INO80D: variants seen among roughly 807,000 people sequenced by gnomAD.
INO80D encodes the protein INO80 complex subunit D.
A neutral mutation model predicts 87.6 loss-of-function variants in INO80D; 21 were observed. That is an observed-to-expected ratio of 0.24 (90% CI 0.17 to 0.35). INO80D has a LOEUF of 0.35. Among genes scored for constraint, INO80D ranks in the 10% least tolerant of loss-of-function variants. The pLI is 1.00. For missense variants in INO80D, 982 were observed against 1,280.7 expected, an observed-to-expected ratio of 0.77 and a Z score of 3.56; for synonymous variants, 440 against 491.0, an observed-to-expected ratio of 0.90 and a Z score of 1.37.
chr2:206,033,066 C>CA (rs1432121152), intron 5 of INO80D, among the ~76,000 whole-genome samples: 1 of 152,122 alleles, frequency 6.6e-6, no homozygotes, highest in African/African-American at 2.4e-5. Context: ...ACCCACCAAC[C>CA]AACTATCTGC....
At chr2:206,058,572 T>C (rs1483098721) in intron 3 of INO80D, among the ~76,000 whole-genome samples, 1 of 150,648 alleles carries the variant, frequency 6.6e-6, no homozygotes, top group East Asian at 2.0e-4. Context: ...CCATCTCTAC[T>C]AAAAATACAA....
intron 6 of INO80D, among the ~76,000 whole-genome samples, chr2:206,022,449 A>C (rs1487716144): frequency 6.6e-6 from 1 of 152,196 alleles, no homozygotes; most frequent in Non-Finnish European, 1.5e-5. Flanking sequence ...TAAGCCCAAC[A>C]AACAAAGGGA....
Position 206,065,791 on chromosome 2 carries a change from C to G in INO80D, c.-123-2547G>C, listed in dbSNP as rs1177401978. Among the ~76,000 whole-genome samples the G allele has an allele frequency of 7.2e-5, 11 of 152,282 alleles. No homozygotes were observed. In the East Asian group the frequency reaches 1.9e-3, roughly 27 times the overall value. On this transcript the variant is annotated intron_variant, in intron 1 of 10. Transcript: ENST00000403263. ...GGCTAACAAATATTTGGAAAAAATG[C>G]TGAACATCACTAATCGTCAGGGAAA...
chr2:206,022,439 T>C (rs550052816), intron 6 of INO80D, among the ~76,000 whole-genome samples: 2 of 152,236 alleles, frequency 1.3e-5, no homozygotes, highest in African/African-American at 4.8e-5. Context: ...ATTATCCAAA[T>C]AAGCCCAACA....
Position 205,997,907 on chromosome 2 carries a change from A to C in INO80D, c.*6461T>G, listed in dbSNP as rs968721960. Reference sequence around the variant, plus strand: ...TATTTTTATATAAGCACACATTCATATCTCTCACACACGTGCCCCCAATGT... The same window carrying C: ...TATTTTTATATAAGCACACATTCATCTCTCTCACACACGTGCCCCCAATGT... On this transcript the variant is annotated 3_prime_UTR_variant, in exon 11 of 11. Transcript: ENST00000403263. 1 of 152,204 alleles carries C rather than the reference A, an allele frequency of 6.6e-6. No individual in the cohort carries two copies. Among genetic ancestry groups the C allele is most frequent in the Non-Finnish European group, 1.5e-5 (1 of 68,016 alleles). The allele number at this position is 152,204 out of a possible 1,614,324, so 9.4% of individuals were successfully genotyped here. A position where few individuals can be genotyped will look rare whatever the true frequency, so the allele number is the denominator to read the frequency against.
At chr2:206,025,860 C>T (rs1386816093) in intron 6 of INO80D, among the ~76,000 whole-genome samples, 1 of 151,840 alleles carries the variant, frequency 6.6e-6, no homozygotes, top group Non-Finnish European at 1.5e-5. Context: ...CAAAAAGAAT[C>T]AGAATTTGAA....
At chr2:206,083,144 TC>T (rs1279580831) in intron 1 of INO80D, among the ~76,000 whole-genome samples, 1 of 152,212 alleles carries the variant, frequency 6.6e-6, no homozygotes, top group Non-Finnish European at 1.5e-5. Flanking sequence ...AACCTGTCAT[TC>T]CTTCAGGAAA....
At chr2:206,053,637 C>T (rs1689433685) in intron 4 of INO80D, among the ~76,000 whole-genome samples, 1 of 152,116 alleles carries the variant, frequency 6.6e-6, no homozygotes, top group Admixed American at 6.6e-5. Flanking sequence ...CTGATGTTAA[C>T]AGTCTGGAAG....
In INO80D at chr2:206,068,286, G is replaced by T. The variant is rs547172939; in HGVS notation, c.-123-5042C>A. On this transcript the variant is annotated intron_variant, in intron 1 of 10. Transcript: ENST00000403263. ...GCTAATTTTTTAAATTTTTTGTAGAGACTGGGTCTTGCTGTGCTGCCCAGG... is the reference window on the plus strand; with the variant it reads ...GCTAATTTTTTAAATTTTTTGTAGATACTGGGTCTTGCTGTGCTGCCCAGG... Among the ~76,000 whole-genome samples the T allele has an allele frequency of 2.3e-4, 35 of 152,170 alleles. No individual in the cohort carries two copies. The South Asian group carries it at 6.6e-3, about 29-fold the overall frequency.
intron 1 of INO80D, among the ~76,000 whole-genome samples, chr2:206,069,064 C>T (rs998945491): frequency 2.6e-5 from 4 of 152,094 alleles, no homozygotes; most frequent in African/African-American, 7.2e-5. Flanking sequence ...TGACATATTT[C>T]ATCTTAATCC....
At chr2:206,044,612 AAAATGAGGATGGCCAC>A (rs1294247237) in intron 5 of INO80D, among the ~76,000 whole-genome samples, 1 of 152,206 alleles carries the variant, frequency 6.6e-6, no homozygotes, top group Non-Finnish European at 1.5e-5. Context: ...GAGATAAAGA[AAAATGAGGATGGCCAC>A]AAATCTGAAA....
intron 1 of INO80D, among the ~76,000 whole-genome samples, chr2:206,072,772 ATAC>A (rs1381930482): frequency 7.9e-5 from 12 of 152,118 alleles, no homozygotes; most frequent in Non-Finnish European, 5.9e-5. Flanking sequence ...ACCATAAAGC[ATAC>A]TTATTATAGA....
intron 1 of INO80D, among the ~76,000 whole-genome samples, chr2:206,070,619 C>A (rs1689936777): frequency 6.6e-6 from 1 of 152,068 alleles, no homozygotes; most frequent in Non-Finnish European, 1.5e-5. Context: ...ACTCAGGAGA[C>A]TGAGGCAGGA....
At chr2:206,026,626 T>C (rs1213479181) in intron 6 of INO80D, among the ~76,000 whole-genome samples, 1 of 150,042 alleles carries the variant, frequency 6.7e-6, no homozygotes, top group African/African-American at 2.4e-5. Flanking sequence ...TGTATTTATA[T>C]ATACACAACA....
At chr2:206,032,079 C>T (rs1444352374) in intron 5 of INO80D, among the ~76,000 whole-genome samples, 4 of 152,160 alleles carry the variant, frequency 2.6e-5, no homozygotes, top group Non-Finnish European at 4.4e-5. Context: ...CCTGGCATCA[C>T]AGAGATCTTT....
chr2:206,022,775 G>T (rs1351576039), intron 6 of INO80D, among the ~76,000 whole-genome samples: 1 of 152,152 alleles, frequency 6.6e-6, no homozygotes, highest in Non-Finnish European at 1.5e-5. Context: ...GTGCAATGGT[G>T]CAATCTCAGC....
intron 3 of INO80D, among the ~76,000 whole-genome samples, chr2:206,060,703 G>A (rs368528878): frequency 1.6e-3 from 242 of 151,970 alleles, no homozygotes; most frequent in African/African-American, 5.5e-3. Context: ...TGGGATTACA[G>A]GCATGTGCCA....
At chr2:206,021,675 C>T (rs1445951390) in intron 6 of INO80D, among the ~76,000 whole-genome samples, 2 of 152,098 alleles carry the variant, frequency 1.3e-5, no homozygotes, top group African/African-American at 2.4e-5. Context: ...TGCAATGGTG[C>T]GATCTCGACT....
chr2:206,049,024 T>G (rs1274784709), intron 4 of INO80D, among the ~76,000 whole-genome samples: 1 of 152,232 alleles, frequency 6.6e-6, no homozygotes, highest in Non-Finnish European at 1.5e-5. Context: ...CTATGAAACT[T>G]ACTAGACACC....
Sources: allele counts gnomAD v4.1 joint callset (sites outside exome capture counted in the v4.1 genomes callset), GRCh38; gene constraint gnomAD v4.1.1; transcripts MANE v1.5; gene names NCBI Gene and HGNC (gene_info 2026-07-23, HGNC 2026-07-21).